The following SLC30A8 variants were observed in gnomAD, a reference collection of about 807,000 sequenced individuals.
SLC30A8 encodes proton-coupled zinc antiporter SLC30A8.
In SLC30A8, 27 loss-of-function variants were observed where a neutral mutation model predicts 36.9. That is an observed-to-expected ratio of 0.73 (90% confidence interval 0.54 to 1.01). SLC30A8 has a LOEUF of 1.01. Among genes scored for constraint, SLC30A8 ranks in the 50% least tolerant of loss-of-function variants. The pLI is 0.00. For missense variants in SLC30A8, 439 were observed against 452.0 expected (o/e 0.97, Z 0.26); for synonymous variants, 164 against 172.4 (o/e 0.95, Z 0.38).
At chr8:117,133,838 A>G (rs1821238691), upstream of SLC30A8, among the ~76,000 whole-genome samples, 1 of 152,000 alleles carries the variant, frequency 6.6e-6, no homozygotes, top group South Asian at 2.1e-4. Context: ...CAGTAGACCC[A>G]GGATTTCAAT....
chr8:117,070,204 A>G (rs1370206419), intron 2 of SLC30A8, among the ~76,000 whole-genome samples: 5 of 151,796 alleles, frequency 3.3e-5, no homozygotes, highest in Admixed American at 2.0e-4. Context: ...ATAATGACAG[A>G]TTTTTTTTTC....
chr8:117,015,534 GC>G (rs1816486824), intron 1 of SLC30A8, among the ~76,000 whole-genome samples: 1 of 77,930 alleles, frequency 1.3e-5, no homozygotes, highest in Non-Finnish European at 2.3e-5. Flanking sequence ...ATGCTATTAT[GC>G]ACCCCCCCCC....
intron 1 of SLC30A8, among the ~76,000 whole-genome samples, chr8:116,981,296 G>A: frequency 6.6e-6 from 1 of 152,262 alleles, no homozygotes; most frequent in African/African-American, 2.4e-5. Flanking sequence ...GACTTTTCTT[G>A]ACCAAGGCTC....
chr8:117,084,076 T>C (rs1818775275), intron 2 of SLC30A8, among the ~76,000 whole-genome samples: 1 of 152,186 alleles, frequency 6.6e-6, no homozygotes, highest in Non-Finnish European at 1.5e-5. Context: ...TATAATTTTC[T>C]CTGAGAGTAA....
At chr8:117,105,166 C>T (rs1819930095) in intron 2 of SLC30A8, among the ~76,000 whole-genome samples, 1 of 152,040 alleles carries the variant, frequency 6.6e-6, no homozygotes, top group African/African-American at 2.4e-5. Flanking sequence ...CCTGGGAATG[C>T]AGCGCAGTAG....
At chr8:117,092,737 G>A (rs980811462) in intron 2 of SLC30A8, among the ~76,000 whole-genome samples, 1 of 152,218 alleles carries the variant, frequency 6.6e-6, no homozygotes, top group Non-Finnish European at 1.5e-5. Flanking sequence ...AAGCTGGGGA[G>A]GTTCCTCGTC....
At chr8:117,013,512 G>T (rs974330992) in intron 1 of SLC30A8, among the ~76,000 whole-genome samples, 5 of 152,088 alleles carry the variant, frequency 3.3e-5, no homozygotes, top group African/African-American at 1.2e-4. Context: ...AAATGTGGAA[G>T]TAAAAAAGAA....
chr8:117,046,704 G>A (rs1817562799), intron 2 of SLC30A8, among the ~76,000 whole-genome samples: 1 of 152,190 alleles, frequency 6.6e-6, no homozygotes, highest in African/African-American at 2.4e-5. Context: ...ACGAAGCTGT[G>A]TCCTTCTCTC....
At chr8:117,100,602 CT>C (rs1170101029) in intron 2 of SLC30A8, among the ~76,000 whole-genome samples, 1 of 152,164 alleles carries the variant, frequency 6.6e-6, no homozygotes, top group Non-Finnish European at 1.5e-5. Context: ...ACTTGCAGGT[CT>C]TCTACAGTGA....
At chr8:117,159,523 A>G (rs1822670797) in intron 4 of SLC30A8, among the ~76,000 whole-genome samples, 1 of 152,202 alleles carries the variant, frequency 6.6e-6, no homozygotes. Flanking sequence ...TCTGAGCTAA[A>G]TAATTAGAAG....
At chr8:116,951,431 C>T (rs941421159) in intron 1 of SLC30A8, among the ~76,000 whole-genome samples, 3 of 152,178 alleles carry the variant, frequency 2.0e-5, no homozygotes, top group Non-Finnish European at 4.4e-5. Flanking sequence ...GGATTGCTAT[C>T]TGCTCCTCCT....
At chr8:117,110,053 T>C (rs1820157444) in intron 2 of SLC30A8, among the ~76,000 whole-genome samples, 1 of 152,212 alleles carries the variant, frequency 6.6e-6, no homozygotes, top group African/African-American at 2.4e-5. Context: ...TTCTGACTTG[T>C]TTGTATCTTC....
At chr8:117,073,964 A>T (rs2130802733) in intron 2 of SLC30A8, among the ~76,000 whole-genome samples, 1 of 135,624 alleles carries the variant, frequency 7.4e-6, no homozygotes, top group African/African-American at 2.8e-5. Context: ...TGGCATTGGG[A>T]AAGTTAATCT....
At chr8:117,025,839 A>T (rs1177378659) in intron 1 of SLC30A8, among the ~76,000 whole-genome samples, 1 of 152,232 alleles carries the variant, frequency 6.6e-6, no homozygotes, top group Non-Finnish European at 1.5e-5. Flanking sequence ...TGAATACCTG[A>T]TGATGGATGC....
intron 6 of SLC30A8, 21 bp downstream of exon 6, chr8:117,163,551 A>T (rs774488097): frequency 1.3e-6 from 2 of 1,547,324 alleles, no homozygotes; most frequent in South Asian, 2.3e-5. Context: ...TTTTATTATT[A>T]CTCCCAGAGT....
At position 117,125,440 on chromosome 8, in the gene SLC30A8, T is replaced by A. The variant is rs114800253; in HGVS notation, c.-225-9840T>A. ...ACAGCACTAACATGTTAGGACTGTC[T>A]TTTTAGCTCAAGAGAAAAATTGACC... On this transcript the variant is annotated intron_variant, in intron 2 of 10. Coordinates refer to the SLC30A8 transcript ENST00000427715. Among the ~76,000 whole-genome samples, 338 of 152,132 alleles carry A rather than the reference T, an allele frequency of 2.2e-3. 6 individuals are homozygous for A. The highest frequency in any genetic ancestry group is 7.6e-3 in the African/African-American group (317 of 41,548).
chr8:116,959,176 T>C (rs550836174), intron 1 of SLC30A8, among the ~76,000 whole-genome samples: 6 of 152,224 alleles, frequency 3.9e-5, no homozygotes, highest in Admixed American at 3.9e-4. Context: ...AAAAATTTAC[T>C]TTCTCTCTGT....
intron 2 of SLC30A8, among the ~76,000 whole-genome samples, chr8:117,118,341 A>G (rs907599887): frequency 2.6e-5 from 4 of 151,940 alleles, no homozygotes; most frequent in African/African-American, 7.2e-5. Context: ...AACTCAAAAC[A>G]CCTTTTCACA....
chr8:117,076,735 ACT>A (rs1266281852), intron 2 of SLC30A8, among the ~76,000 whole-genome samples: 3 of 150,740 alleles, frequency 2.0e-5, no homozygotes, highest in Non-Finnish European at 4.4e-5. Context: ...TCTCCACTGG[ACT>A]CTGATTTCTT....
Sources: allele counts gnomAD v4.1 joint callset (sites outside exome capture counted in the v4.1 genomes callset), GRCh38; gene constraint gnomAD v4.1.1; transcripts MANE v1.5; gene names NCBI Gene and HGNC (gene_info 2026-07-23, HGNC 2026-07-21).